The following SPATS2L variants were observed in gnomAD, a reference collection of about 807,000 sequenced individuals.
SPATS2L encodes the protein SPATS2-like protein.
In SPATS2L, 30 loss-of-function variants were observed where a neutral mutation model predicts 59.6. The observed-to-expected ratio is 0.50, with a 90% CI of 0.38 to 0.68. The LOEUF is 0.68. Ranked by LOEUF, SPATS2L falls within the 30% of genes least tolerant of loss-of-function variation. SPATS2L has a pLI of 0.00. For synonymous variants in SPATS2L, 252 were observed against 263.5 expected (o/e 0.96, Z 0.42); for missense variants, 615 against 700.0 (o/e 0.88, Z 1.37).
intron 1 of SPATS2L, among the ~76,000 whole-genome samples, chr2:200,310,451 T>C (rs1275958111): frequency 2.0e-5 from 3 of 152,206 alleles, no homozygotes; most frequent in Non-Finnish European, 4.4e-5. Flanking sequence ...CCGTCAGCCA[T>C]CACCGTTTCT....
chr2:200,385,502 A>G (rs2081961374), intron 2 of SPATS2L, among the ~76,000 whole-genome samples: 1 of 152,118 alleles, frequency 6.6e-6, no homozygotes, highest in Non-Finnish European at 1.5e-5. Context: ...AGGAAAGGTA[A>G]TGAGTACATG....
chr2:200,377,040 A>G lies in SPATS2L; in HGVS notation c.-22-12183A>G, dbSNP rs191857481. Among the ~76,000 whole-genome samples the G allele has an allele frequency of 3.3e-5, 5 of 152,358 alleles. No individual in the cohort carries two copies. The East Asian group carries it at 7.7e-4, about 23-fold the overall frequency. Reference sequence around the variant, plus strand: ...CAGTGGGAAAGCTACCACATGAGCTATGAGAGCATCTATTTATATTCTTTT... The same window carrying G: ...CAGTGGGAAAGCTACCACATGAGCTGTGAGAGCATCTATTTATATTCTTTT... On this transcript the variant is annotated intron_variant, in intron 2 of 12. Coordinates refer to ENST00000409140, the MANE Select transcript of SPATS2L (RefSeq NM_001100423.2).
At chr2:200,466,597 G>C (rs927139850) in intron 9 of SPATS2L, among the ~76,000 whole-genome samples, 7 of 152,184 alleles carry the variant, frequency 4.6e-5, no homozygotes, top group Non-Finnish European at 8.8e-5. Context: ...GTGTGCAGGT[G>C]CTAAAAAATT....
At chr2:200,392,696 C>G (rs1574371629) in intron 3 of SPATS2L, among the ~76,000 whole-genome samples, 1 of 152,004 alleles carries the variant, frequency 6.6e-6, no homozygotes, top group Admixed American at 6.6e-5. Flanking sequence ...ATATGGAGGG[C>G]CAATTGTACT....
chr2:200,380,769 G>A (rs1174413874), intron 2 of SPATS2L, among the ~76,000 whole-genome samples: 1 of 152,166 alleles, frequency 6.6e-6, no homozygotes, highest in African/African-American at 2.4e-5. Context: ...AGTGGGTTGA[G>A]TACATTGAAA....
intron 1 of SPATS2L, among the ~76,000 whole-genome samples, chr2:200,328,981 T>C (rs1294237700): frequency 6.6e-6 from 1 of 152,216 alleles, no homozygotes; most frequent in Non-Finnish European, 1.5e-5. Context: ...ACAGGTGATT[T>C]GACCTCTCTG....
intron 8 of SPATS2L, among the ~76,000 whole-genome samples, chr2:200,441,354 A>G (rs1453444909): frequency 1.3e-5 from 2 of 152,210 alleles, no homozygotes; most frequent in Non-Finnish European, 2.9e-5. Context: ...TCTACAATTG[A>G]AATGATATAT....
Position 200,481,093 on chromosome 2 carries a change from C to T in SPATS2L, c.*3062C>T, listed in dbSNP as rs981200506. On this transcript the variant is annotated 3_prime_UTR_variant, in exon 13 of 13. Transcript: ENST00000409140. ...TTTTGAGAATCTCTGCATACTCCAG[C>T]TCTGTCCTGTTGATCCTATTCTAGA... 6.6e-6 allele frequency: 1 copy of T among 152,170 alleles called. No individual in the cohort carries two copies. Among genetic ancestry groups the T allele is most frequent in the Non-Finnish European group, 1.5e-5 (1 of 68,044 alleles). 9.4% of individuals were successfully genotyped at this position (152,170 alleles called of 1,614,324 possible). A position where few individuals can be genotyped will look rare whatever the true frequency, so the allele number is the denominator to read the frequency against.
Position 200,479,519 on chromosome 2 carries a change from C to T in SPATS2L, c.*1488C>T. 2.5e-6 allele frequency: 1 copy of T among 398,492 alleles called. No homozygotes were observed. The highest frequency in any genetic ancestry group is 4.4e-6 in the Non-Finnish European group (1 of 226,040). 24.7% of individuals were successfully genotyped at this position (398,492 alleles called of 1,614,324 possible). On this transcript the variant is annotated 3_prime_UTR_variant, in exon 13 of 13. Coordinates refer to ENST00000409140, the MANE Select transcript of SPATS2L (RefSeq NM_001100423.2). ...TGGAGCCTGGGTGTGGCCATCTTCC[C>T]AGAGTTCCTGAGCTAGATGGAGAAG... is the stretch of plus-strand genomic sequence containing the variant.
intron 2 of SPATS2L, among the ~76,000 whole-genome samples, chr2:200,376,893 G>A (rs969095473): frequency 1.3e-5 from 2 of 152,106 alleles, no homozygotes; most frequent in African/African-American, 4.8e-5. Context: ...GAAAAGGGAC[G>A]GGTGTAGCCA....
chr2:200,439,230 G>A lies in SPATS2L; in HGVS notation c.554G>A (p.Cys185Tyr), dbSNP rs1452072082. 6.2e-7 allele frequency: 1 copy of A among 1,613,596 alleles called. No homozygotes were observed. Among genetic ancestry groups the A allele is most frequent in the Non-Finnish European group, 8.5e-7 (1 of 1,179,734 alleles). The part of the protein sequence containing the change: ...DGLQWSAEQP[C>Y]NPSKPKAKTS... The stretch of plus-strand genomic sequence containing the variant: ...CTACAGTGGTCAGCTGAGCAGCCTT[G>A]TAACCCAAGCAAGCCTAAGGCAAAA... Residue 185 changes from cysteine (C) to tyrosine (Y), a missense_variant, in exon 7 of 13, where the codon TGT becomes TAT. By Grantham distance (194) the Cys-to-Tyr change is radical. This residue lies in a region of SPATS2L where 227 missense variants were observed against 257.4 expected (regional missense o/e 0.88). Coordinates refer to ENST00000409140, the MANE Select transcript of SPATS2L (RefSeq NM_001100423.2).
Position 200,477,631 on chromosome 2 carries a change from G to T in SPATS2L, c.1282-5G>T. On this transcript the variant is annotated splice_region_variant and splice_polypyrimidine_tract_variant and intron_variant, in intron 12 of 12. Coordinates refer to ENST00000409140, the MANE Select transcript of SPATS2L (RefSeq NM_001100423.2). The stretch of plus-strand genomic sequence containing the variant: ...CTGATACTTATCTCTTTTCTTTTTT[G>T]GTAGAATGGATCTTCTAACCAAAGA... 1 of 1,502,710 alleles carries T rather than the reference G, an allele frequency of 6.7e-7. No individual in the cohort carries two copies. Among genetic ancestry groups the T allele is most frequent in the South Asian group, 1.3e-5 (1 of 79,084 alleles). The allele number at this position is 1,502,710 out of a possible 1,614,324, so 93.1% of individuals were successfully genotyped here.
In SPATS2L at chr2:200,459,789, C is replaced by T. The variant is rs750931235; in HGVS notation, c.809C>T (p.Ser270Leu). ...LHNCIIDKEVSLMAEMDKVKE... is the reference protein window; with the variant it reads ...LHNCIIDKEVLLMAEMDKVKE... ...CCCAGCATCATTGACAAAGAAGTTT[C>T]ATTAATGGCAGAAATGGATAAAGTT... is the stretch of plus-strand genomic sequence containing the variant. Residue 270 changes from serine to leucine, a missense_variant, in exon 9 of 13, where the codon TCA becomes TTA. Physicochemically the swap from Ser to Leu is moderately radical, Grantham distance 145 (BLOSUM62 -2). Transcript: ENST00000409140. 2 of 1,612,548 alleles carry T rather than the reference C, an allele frequency of 1.2e-6. No individual in the cohort carries two copies. Among genetic ancestry groups the T allele is most frequent in the Non-Finnish European group, 1.7e-6 (2 of 1,179,232 alleles).
chr2:200,454,842 T>G (rs1262118656), intron 8 of SPATS2L, among the ~76,000 whole-genome samples: 3 of 152,204 alleles, frequency 2.0e-5, no homozygotes, highest in Non-Finnish European at 4.4e-5. Flanking sequence ...TAGAAAACTT[T>G]TAGTGGCCAG....
rs78735793 is a variant in SPATS2L at position 200,372,094 on chromosome 2, A to C, written c.-22-17129A>C. ...TATCAGCTGGACTTGACTTGGCTTCAATTTTTGCTTCAAGCTTTCAGACAA... is the reference window on the plus strand; with the variant it reads ...TATCAGCTGGACTTGACTTGGCTTCCATTTTTGCTTCAAGCTTTCAGACAA... On this transcript the variant is annotated intron_variant, in intron 2 of 12. Coordinates refer to ENST00000409140, the MANE Select transcript of SPATS2L (RefSeq NM_001100423.2). 535 of 985,342 alleles carry C rather than the reference A, an allele frequency of 5.4e-4. 4 individuals carry two copies. In the African/African-American group the frequency reaches 8.9e-3, roughly 16 times the overall value. The allele number at this position is 985,342 out of a possible 1,614,324, so 61.0% of individuals were successfully genotyped here.
At chr2:200,422,979 C>A (rs1224047585) in intron 6 of SPATS2L, among the ~76,000 whole-genome samples, 1 of 151,794 alleles carries the variant, frequency 6.6e-6, no homozygotes, top group East Asian at 1.9e-4. Context: ...CGATGACACT[C>A]ACTCTGATCA....
chr2:200,306,316 A>C, upstream of SPATS2L: 1 of 1,002,246 alleles, frequency 1.0e-6, no homozygotes. Flanking sequence ...ATTCTCTTGC[A>C]ACACGTGCGG....
At chr2:200,308,230 C>T (rs2105736048) in intron 1 of SPATS2L, among the ~76,000 whole-genome samples, 1 of 89,218 alleles carries the variant, frequency 1.1e-5, no homozygotes, top group South Asian at 5.6e-4. Context: ...TCAGAAATCT[C>T]TTCACTCTGA....
intron 1 of SPATS2L, among the ~76,000 whole-genome samples, chr2:200,324,423 A>G (rs538501457): frequency 1.3e-5 from 2 of 152,282 alleles, no homozygotes; most frequent in East Asian, 3.9e-4. Context: ...CCTGCTTGCT[A>G]TTCTCATTTG....
Sources: allele counts gnomAD v4.1 joint callset (sites outside exome capture counted in the v4.1 genomes callset), GRCh38; gene constraint gnomAD v4.1.1; regional missense constraint gnomAD v4.1.1; transcripts MANE v1.5; gene names NCBI Gene and HGNC (gene_info 2026-07-23, HGNC 2026-07-21).